CUL3: variants seen among roughly 807,000 people sequenced by gnomAD.
The protein encoded by CUL3 is cullin 3.
CUL3 carries 19 observed loss-of-function variants against 89.1 expected under a neutral mutation model. The observed-to-expected ratio is 0.21, with a 90% confidence interval of 0.15 to 0.31. The LOEUF is 0.31. CUL3 is among the 10% of genes least tolerant of loss of function. CUL3 has a pLI of 1.00. For synonymous variants in CUL3, 351 were observed against 308.4 expected (o/e 1.14, Z -1.45); for missense variants, 469 against 942.3 (o/e 0.50, Z 6.58).
chr2:224,557,807 T>C lies in CUL3; in HGVS notation c.116A>G (p.Asn39Ser). ...YVNSIWDLLK[N>S]AIQEIQRKNN... ...CTTACGCTGGATTTCTTGAATTGCA[T>C]TTTTCAGAAGGTCCCAAATGCTGTT... Residue 39 changes from asparagine to serine, a missense_variant, in exon 2 of 16, where the codon AAT becomes AGT. Asn to Ser is a conservative substitution (Grantham distance 46). Coordinates refer to ENST00000264414, the MANE Select transcript of CUL3 (RefSeq NM_003590.5). The C allele has an allele frequency of 6.2e-7, 1 of 1,606,934 alleles. No individual in the cohort carries two copies. Among genetic ancestry groups the C allele is most frequent in the Non-Finnish European group, 8.5e-7 (1 of 1,176,616 alleles).
chr2:224,484,866 C>T (rs775366914), intron 13 of CUL3, among the ~76,000 whole-genome samples: 1 of 152,170 alleles, frequency 6.6e-6, no homozygotes, highest in Non-Finnish European at 1.5e-5. Flanking sequence ...GGAACAGCTC[C>T]GATCTGCAGC....
At chr2:224,494,731 T>C (rs2106176860) in intron 13 of CUL3, among the ~76,000 whole-genome samples, 1 of 152,250 alleles carries the variant, frequency 6.6e-6, no homozygotes, top group Non-Finnish European at 1.5e-5. Context: ...TACCTTATAC[T>C]ATATAAAAAA....
At chr2:224,569,679 A>G in intron 1 of CUL3, 2 of 1,172,040 alleles carry the variant, frequency 1.7e-6, no homozygotes, top group Non-Finnish European at 2.1e-6. Context: ...TCAGTCTATT[A>G]TATACTTACA....
chr2:224,570,949 T>C (rs1327032532), intron 1 of CUL3, among the ~76,000 whole-genome samples: 1 of 152,164 alleles, frequency 6.6e-6, no homozygotes, highest in African/African-American at 2.4e-5. Flanking sequence ...ACAGAGCAAT[T>C]GAGCTAAAAG....
Position 224,585,226 on chromosome 2 carries a change from C to G in CUL3, c.-217G>C, listed in dbSNP as rs1280174808. On this transcript the variant is annotated 5_prime_UTR_variant, in exon 1 of 16. Coordinates refer to ENST00000264414, the MANE Select transcript of CUL3 (RefSeq NM_003590.5). ...TCGGACTCTGGCGACTCCGATGCGG[C>G]TGGGGGGCTGCGCTGGCGCGGCGGC... is the stretch of plus-strand genomic sequence containing the variant. The G allele has an allele frequency of 2.3e-5, 9 of 384,536 alleles. No homozygotes were observed. Among genetic ancestry groups the G allele is most frequent in the African/African-American group, 1.1e-4 (5 of 47,330 alleles). 23.8% of individuals were successfully genotyped at this position (384,536 alleles called of 1,614,324 possible).
intron 2 of CUL3, among the ~76,000 whole-genome samples, chr2:224,547,677 T>C (rs981992438): frequency 1.3e-5 from 2 of 152,146 alleles, no homozygotes; most frequent in East Asian, 1.9e-4. Context: ...GAAAATCTTA[T>C]TCCCAAGTGT....
chr2:224,568,512 C>T (rs1221322485), intron 1 of CUL3, among the ~76,000 whole-genome samples: 1 of 152,178 alleles, frequency 6.6e-6, no homozygotes, highest in African/African-American at 2.4e-5. Flanking sequence ...ACTTATAAGG[C>T]ACAATGATAC....
intron 1 of CUL3, among the ~76,000 whole-genome samples, chr2:224,583,069 C>A (rs890678574): frequency 9.2e-5 from 14 of 152,266 alleles, no homozygotes; most frequent in African/African-American, 3.1e-4. Flanking sequence ...TAAGGCTGCA[C>A]ACACTGCTAG....
At chr2:224,518,845 CCT>C (rs1289778333) in intron 3 of CUL3, among the ~76,000 whole-genome samples, 2 of 152,194 alleles carry the variant, frequency 1.3e-5, no homozygotes, top group Non-Finnish European at 2.9e-5. Context: ...TTGGATTTCC[CCT>C]GTCCCAACTT....
At chr2:224,523,809 G>A (rs1693359077) in intron 3 of CUL3, among the ~76,000 whole-genome samples, 1 of 152,200 alleles carries the variant, frequency 6.6e-6, no homozygotes, top group Admixed American at 6.5e-5. Flanking sequence ...ATATGCCAGT[G>A]ACAAAGGGAC....
At chr2:224,567,361 T>C (rs1337788473) in intron 1 of CUL3, among the ~76,000 whole-genome samples, 1 of 152,074 alleles carries the variant, frequency 6.6e-6, no homozygotes, top group Non-Finnish European at 1.5e-5. Context: ...GGGACTACCG[T>C]TGTGTGCCAC....
intron 3 of CUL3, among the ~76,000 whole-genome samples, chr2:224,527,026 A>C (rs1693506494): frequency 6.6e-6 from 1 of 152,208 alleles, no homozygotes; most frequent in Non-Finnish European, 1.5e-5. Context: ...CTAGTATGTG[A>C]CTTCTAACTA....
chr2:224,474,948 T>A (rs1462534350), intron 15 of CUL3, among the ~76,000 whole-genome samples: 1 of 152,232 alleles, frequency 6.6e-6, no homozygotes, highest in African/African-American at 2.4e-5. Flanking sequence ...AATAAAATAA[T>A]AACTAAAGCA....
intron 10 of CUL3, 134 bp from the exon 11 acceptor site, chr2:224,500,621 T>A: frequency 1.3e-6 from 1 of 792,056 alleles, no homozygotes; most frequent in Non-Finnish European, 1.8e-6. Context: ...AAGCAGATTT[T>A]CTTTTCTTTT....
intron 2 of CUL3, among the ~76,000 whole-genome samples, chr2:224,539,330 G>A (rs985149292): frequency 6.6e-6 from 1 of 152,190 alleles, no homozygotes; most frequent in Admixed American, 6.5e-5. Flanking sequence ...CAGAGCAAAA[G>A]AGTATCTCAT....
chr2:224,474,399 T>G lies in CUL3; in HGVS notation c.2176-23A>C, dbSNP rs1006009178. On this transcript the variant is annotated intron_variant, in intron 15 of 15. Coordinates refer to ENST00000264414, the MANE Select transcript of CUL3 (RefSeq NM_003590.5). ...TACCTAAAAAAGAAAGTAGATAGTA[T>G]TTTTATATAAACACATAAAAATTCG... 3 of 1,603,788 alleles carry G rather than the reference T, an allele frequency of 1.9e-6. No individual in the cohort carries two copies. The African/African-American group carries it at 4.0e-5, about 22-fold the overall frequency.
intron 6 of CUL3, among the ~76,000 whole-genome samples, chr2:224,510,915 C>T (rs767728890): frequency 6.6e-6 from 1 of 152,112 alleles, no homozygotes. Flanking sequence ...GCATTTTCAG[C>T]ACCCTGTCAC....
chr2:224,569,202 A>G (rs1027332010), intron 1 of CUL3, among the ~76,000 whole-genome samples: 3 of 152,202 alleles, frequency 2.0e-5, no homozygotes, highest in Admixed American at 6.5e-5. Flanking sequence ...CTGCAAATAC[A>G]CTAAGGGATC....
chr2:224,512,375 C>T (rs1202792000), intron 5 of CUL3, among the ~76,000 whole-genome samples: 3 of 152,156 alleles, frequency 2.0e-5, no homozygotes, highest in Admixed American at 1.3e-4. Flanking sequence ...GGATTACAGG[C>T]GTGAGCCACT....
Sources: gnomAD v4.1 joint callset for allele counts (sites outside exome capture counted in the v4.1 genomes callset) on GRCh38, gnomAD v4.1.1 for gene constraint, MANE v1.5 for transcripts, NCBI Gene and HGNC (gene_info 2026-07-23, HGNC 2026-07-21) for gene names.